The following TMEM63C variants were observed in gnomAD, a reference collection of about 807,000 sequenced individuals.
The protein encoded by TMEM63C is osmosensitive cation channel TMEM63C.
A neutral mutation model predicts 99.2 loss-of-function variants in TMEM63C; 32 were observed. The ratio of observed to expected loss-of-function variants is 0.32; its 90% confidence interval spans 0.24 to 0.43. The LOEUF is 0.43. Ranked by LOEUF, TMEM63C falls within the 20% of genes least tolerant of loss-of-function variation. The pLI is 1.00. For missense variants in TMEM63C, 826 were observed against 1,053.0 expected (o/e 0.78, Z 2.98); for synonymous variants, 376 against 397.9 (o/e 0.94, Z 0.66).
intron 3 of TMEM63C, 94 bp from the exon 4 acceptor site, chr14:77,219,403 AG>A (rs1179635191): frequency 7.6e-7 from 1 of 1,307,486 alleles, no homozygotes; most frequent in Non-Finnish European, 1.1e-6. Flanking sequence ...TGGGGACCTC[AG>A]GGACAGGGTC....
chr14:77,248,414 A>C lies in TMEM63C; in HGVS notation c.1669A>C (p.Thr557Pro). 6.2e-7 allele frequency: 1 copy of C among 1,600,904 alleles called. No individual in the cohort carries two copies. Among genetic ancestry groups the C allele is most frequent in the Non-Finnish European group, 8.5e-7 (1 of 1,173,852 alleles). ...NYVITAALLGTGMELLRLGSL... is the reference protein window; with the variant it reads ...NYVITAALLGPGMELLRLGSL... The stretch of plus-strand genomic sequence containing the variant: ...CGTGATCACGGCAGCTTTACTTGGC[A>C]CAGGCATGGAGCTGCTGCGTCTGGG... The change falls in exon 19 of 24, where the codon ACA becomes CCA. Residue 557 changes from threonine to proline, a missense_variant. Transcript: ENST00000298351.
intron 3 of TMEM63C, 93 bp from the exon 4 acceptor site, chr14:77,219,405 G>A (rs1436120706): frequency 2.2e-6 from 3 of 1,337,106 alleles, no homozygotes; most frequent in Admixed American, 1.7e-5. Context: ...GGGACCTCAG[G>A]GACAGGGTCT....
At chr14:77,246,303 G>A (rs1042507266) in intron 17 of TMEM63C, among the ~76,000 whole-genome samples, 3 of 152,256 alleles carry the variant, frequency 2.0e-5, no homozygotes, top group Admixed American at 1.3e-4. Flanking sequence ...CAGCCAAAAA[G>A]CAGTGGAAAT....
chr14:77,243,506 G>T (rs546579127), intron 15 of TMEM63C, among the ~76,000 whole-genome samples: 1 of 152,078 alleles, frequency 6.6e-6, no homozygotes, highest in Admixed American at 6.5e-5. Context: ...AAGCCCCAAC[G>T]CAGCCCTCTC....
At position 77,227,868 on chromosome 14, in the gene TMEM63C, G is replaced by A. The variant is rs181454412; in HGVS notation, c.350+2407G>A. Among the ~76,000 whole-genome samples the A allele has an allele frequency of 9.6e-4, 146 of 152,300 alleles. 1 individual carries two copies. Among genetic ancestry groups the A allele is most frequent in the Admixed American group, 3.3e-3 (51 of 15,308 alleles). On this transcript the variant is annotated intron_variant, in intron 6 of 23. Coordinates refer to ENST00000298351, the MANE Select transcript of TMEM63C (RefSeq NM_020431.4). ...GAAGGAAGGTCACCTTTTTCCAGAG[G>A]TGCATGGAAGGAGGGAAGTGAAGCT...
At chr14:77,229,613 A>AATATAT (rs149146698) in intron 6 of TMEM63C, among the ~76,000 whole-genome samples, 22,472 of 117,582 alleles carry the variant, frequency 0.19, 2,682 homozygotes, top group East Asian at 0.39. Context: ...ACACCCAGCT[A>AATATAT]ATATATATAT....
intron 6 of TMEM63C, among the ~76,000 whole-genome samples, chr14:77,230,062 C>T (rs924883651): frequency 5.9e-5 from 9 of 151,886 alleles, no homozygotes; most frequent in African/African-American, 1.7e-4. Flanking sequence ...ATTAGCTGGG[C>T]GTGGTGGCGC....
At chr14:77,219,437 C>T in intron 3 of TMEM63C, 61 bp from the exon 4 acceptor site, 1 of 1,569,298 alleles carries the variant, frequency 6.4e-7, no homozygotes, top group East Asian at 2.2e-5. Flanking sequence ...ATGCAGGGGG[C>T]CAGCCAAGGG....
intron 13 of TMEM63C, among the ~76,000 whole-genome samples, chr14:77,241,541 C>T (rs1889176463): frequency 1.3e-5 from 2 of 152,162 alleles, no homozygotes; most frequent in African/African-American, 4.8e-5. Context: ...TGATCCTGTA[C>T]AGCACATTGT....
rs1251741639 is a variant in TMEM63C, at chr14:77,184,554, C to T, written c.-77+2660C>T. Reference sequence around the variant, plus strand: ...AGAGCGTCCAGTTTGCAGGAACCCACGTGGTGCTCAGGCCATGGGCAGGCT... The same window carrying T: ...AGAGCGTCCAGTTTGCAGGAACCCATGTGGTGCTCAGGCCATGGGCAGGCT... On this transcript the variant is annotated intron_variant, in intron 1 of 23. Coordinates refer to ENST00000298351, the MANE Select transcript of TMEM63C (RefSeq NM_020431.4). Among the ~76,000 whole-genome samples the T allele has an allele frequency of 3.3e-5, 5 of 152,156 alleles. No individual in the cohort carries two copies. In the East Asian group the frequency reaches 5.8e-4, roughly 18 times the overall value.
intron 1 of TMEM63C, among the ~76,000 whole-genome samples, chr14:77,197,346 G>A (rs1452358866): frequency 1.3e-5 from 2 of 152,368 alleles, no homozygotes; most frequent in East Asian, 3.9e-4. Flanking sequence ...GCCACAGGCA[G>A]TGTTTCACTT....
rs1889321804 is a variant in TMEM63C at position 77,249,472 on chromosome 14, C to T, written c.2038+14C>T. ...TCCTGCGGTTGGGTAGGTACCAAGC[C>T]AGCCTGGAGACCCCACCTCCACCTG... On this transcript the variant is annotated intron_variant, in intron 21 of 23. Coordinates refer to ENST00000298351, the MANE Select transcript of TMEM63C (RefSeq NM_020431.4). 6.2e-7 allele frequency: 1 copy of T among 1,613,016 alleles called. No homozygotes were observed. The highest frequency in any genetic ancestry group is 1.3e-5 in the African/African-American group (1 of 74,928).
At chr14:77,227,168 A>G (rs1172384362) in intron 6 of TMEM63C, among the ~76,000 whole-genome samples, 1 of 152,160 alleles carries the variant, frequency 6.6e-6, no homozygotes, top group Non-Finnish European at 1.5e-5. Context: ...AGAACAATAT[A>G]TGTGTGTAGG....
chr14:77,231,745 G>A lies in TMEM63C; in HGVS notation c.493+15G>A. 1.3e-6 allele frequency: 2 copies of A among 1,551,402 alleles called. No individual in the cohort carries two copies. Among genetic ancestry groups the A allele is most frequent in the South Asian group, 2.4e-5 (2 of 84,052 alleles). ...ATCTGTTCTGGGTAGGCAAAGCTCA[G>A]CTGGCCCTGGGGCAGCAGCTGGACC... On this transcript the variant is annotated intron_variant, in intron 7 of 23. Transcript: ENST00000298351.
chr14:77,236,493 G>T (rs1277302778), intron 8 of TMEM63C, 131 bp from the exon 9 acceptor site: 10 of 665,734 alleles, frequency 1.5e-5, no homozygotes, highest in Non-Finnish European at 2.4e-5. Flanking sequence ...TGGTTGTGGG[G>T]GTCTGAGGAG....
intron 12 of TMEM63C, among the ~76,000 whole-genome samples, chr14:77,240,082 T>C (rs1889139062): frequency 6.6e-6 from 1 of 152,184 alleles, no homozygotes; most frequent in African/African-American, 2.4e-5. Flanking sequence ...GCTTGTCTTA[T>C]CACCTGACCA....
intron 6 of TMEM63C, among the ~76,000 whole-genome samples, chr14:77,226,112 T>G (rs1238762993): frequency 6.6e-6 from 1 of 152,170 alleles, no homozygotes; most frequent in African/African-American, 2.4e-5. Context: ...ACATGCACAC[T>G]CATACATACA....
At chr14:77,216,361 C>T (rs147102279) in intron 2 of TMEM63C, among the ~76,000 whole-genome samples, 1 of 152,208 alleles carries the variant, frequency 6.6e-6, no homozygotes, top group East Asian at 1.9e-4. Flanking sequence ...CCTTGGATCT[C>T]TCCTCTCACT....
At chr14:77,235,158 C>T (rs1019288219) in intron 8 of TMEM63C, among the ~76,000 whole-genome samples, 6 of 151,946 alleles carry the variant, frequency 3.9e-5, no homozygotes, top group African/African-American at 1.5e-4. Context: ...ATAAACGTTC[C>T]CCCCATGAGC....
Sources: allele counts gnomAD v4.1 joint callset (sites outside exome capture counted in the v4.1 genomes callset), GRCh38; gene constraint gnomAD v4.1.1; transcripts MANE v1.5; gene names NCBI Gene and HGNC (gene_info 2026-07-23, HGNC 2026-07-21).